The following ALK variants were observed in gnomAD, a reference collection of about 807,000 sequenced individuals.
The protein encoded by ALK is ALK receptor tyrosine kinase.
A neutral mutation model predicts 163.1 loss-of-function variants in ALK; 74 were observed. That is an observed-to-expected ratio of 0.45 (90% CI 0.38 to 0.55). The LOEUF (loss-of-function observed/expected upper bound fraction) is 0.55. Ranked by LOEUF, ALK falls within the 20% of genes least tolerant of loss-of-function variation. The pLI is 0.00. For synonymous variants in ALK, 960 were observed against 843.2 expected (o/e 1.14, Z -2.40); for missense variants, 2,063 against 2,105.3 (o/e 0.98, Z 0.39).
Position 29,318,398 on chromosome 2 carries a change from G to A in ALK, c.1553C>T (p.Ala518Val), listed in dbSNP as rs1666897757. 1 of 1,610,760 alleles carries A rather than the reference G, an allele frequency of 6.2e-7. No individual in the cohort carries two copies. The highest frequency in any genetic ancestry group is 1.3e-5 in the African/African-American group (1 of 74,980). ...DARFQDHQDHALLLSTTDVPA... is the reference protein window; with the variant it reads ...DARFQDHQDHVLLLSTTDVPA... ...GACATCAGTGGTACTGAGCAATAGA[G>A]CATGGTCTAGGAGAGAGGAAAAGAA... The change falls in exon 8 of 29, where the codon GCT becomes GTT. Residue 518 changes from alanine to valine, a missense_variant. Ala to Val is a moderately conservative substitution (Grantham distance 64). Transcript: ENST00000389048.
chr2:29,892,743 G>A (rs1452114135), intron 1 of ALK, among the ~76,000 whole-genome samples: 1 of 152,128 alleles, frequency 6.6e-6, no homozygotes, highest in Non-Finnish European at 1.5e-5. Flanking sequence ...CTGACTCTAC[G>A]CACATTAATG....
At chr2:29,630,552 A>T (rs1676338043) in intron 3 of ALK, among the ~76,000 whole-genome samples, 1 of 152,244 alleles carries the variant, frequency 6.6e-6, no homozygotes, top group South Asian at 2.1e-4. Flanking sequence ...AAGGTTGGCA[A>T]TTATTAAGTA....
At chr2:29,735,452 A>G (rs1226905042) in intron 1 of ALK, among the ~76,000 whole-genome samples, 1 of 152,092 alleles carries the variant, frequency 6.6e-6, no homozygotes, top group East Asian at 1.9e-4. Flanking sequence ...GATTTAGAAA[A>G]TAATAGTAAT....
chr2:29,461,161 C>T (rs1303817017), intron 4 of ALK, among the ~76,000 whole-genome samples: 1 of 152,154 alleles, frequency 6.6e-6, no homozygotes, highest in Non-Finnish European at 1.5e-5. Context: ...GAGGAAGCTG[C>T]AGAAGAAAAG....
At chr2:29,637,671 C>T (rs1165665013) in intron 3 of ALK, among the ~76,000 whole-genome samples, 1 of 139,762 alleles carries the variant, frequency 7.2e-6, no homozygotes, top group Non-Finnish European at 1.5e-5. Flanking sequence ...ATTGCACCGC[C>T]GCACTCCAGC....
At chr2:29,447,732 G>T (rs1325826187) in intron 4 of ALK, among the ~76,000 whole-genome samples, 1 of 152,166 alleles carries the variant, frequency 6.6e-6, no homozygotes, top group Non-Finnish European at 1.5e-5. Context: ...AATGGCACAG[G>T]CCCTCCAGGT....
At chr2:29,321,676 A>C (rs1042943298) in intron 6 of ALK, among the ~76,000 whole-genome samples, 3 of 152,190 alleles carry the variant, frequency 2.0e-5, no homozygotes, top group Non-Finnish European at 4.4e-5. Flanking sequence ...TGGGTCCCTG[A>C]GTGATCCTGT....
At chr2:29,556,303 C>G (rs763996146) in intron 3 of ALK, among the ~76,000 whole-genome samples, 1 of 152,168 alleles carries the variant, frequency 6.6e-6, no homozygotes, top group Non-Finnish European at 1.5e-5. Context: ...TGACAGGACT[C>G]TCTTGTAGAA....
intron 8 of ALK, among the ~76,000 whole-genome samples, chr2:29,309,908 G>T (rs1666652167): frequency 6.6e-6 from 1 of 152,172 alleles, no homozygotes; most frequent in African/African-American, 2.4e-5. Flanking sequence ...CTGAATTTAT[G>T]CAGCAGCAAC....
chr2:29,276,700 G>A (rs777399954), intron 9 of ALK, among the ~76,000 whole-genome samples: 3 of 152,160 alleles, frequency 2.0e-5, no homozygotes, highest in Non-Finnish European at 4.4e-5. Flanking sequence ...CCTCAAAGAC[G>A]TGATGCTAAG....
chr2:29,483,536 C>T (rs189060152), intron 4 of ALK, among the ~76,000 whole-genome samples: 51 of 152,284 alleles, frequency 3.3e-4, no homozygotes, highest in Admixed American at 2.2e-3. Context: ...ATGTGCACAT[C>T]CAAGTTTGAA....
chr2:29,310,743 G>C (rs1278627670), intron 8 of ALK, among the ~76,000 whole-genome samples: 1 of 152,136 alleles, frequency 6.6e-6, no homozygotes, highest in Admixed American at 6.5e-5. Context: ...CCTCTTGCTC[G>C]GGGTCCGTGT....
chr2:29,412,492 T>C (rs1279625121), intron 4 of ALK, among the ~76,000 whole-genome samples: 2 of 152,330 alleles, frequency 1.3e-5, no homozygotes, highest in East Asian at 1.9e-4. Context: ...AACCTGACAT[T>C]GACTTAGTCA....
At chr2:29,387,131 T>A (rs1669050407) in intron 4 of ALK, among the ~76,000 whole-genome samples, 1 of 152,136 alleles carries the variant, frequency 6.6e-6, no homozygotes, top group Non-Finnish European at 1.5e-5. Context: ...GTGTGGGGTG[T>A]CCATCTGGAC....
intron 4 of ALK, among the ~76,000 whole-genome samples, chr2:29,391,305 T>TGGGG (rs71754470): frequency 6.3e-5 from 8 of 126,582 alleles, no homozygotes; most frequent in East Asian, 2.4e-4. Context: ...CTCTTTTTTT[T>TGGGG]GGGGGGGGGG....
chr2:29,629,934 C>T (rs979309003), intron 3 of ALK, among the ~76,000 whole-genome samples: 2 of 152,174 alleles, frequency 1.3e-5, no homozygotes, highest in Non-Finnish European at 2.9e-5. Context: ...AAATGATGAA[C>T]ATATTCTTGA....
intron 3 of ALK, among the ~76,000 whole-genome samples, chr2:29,574,821 A>C (rs983682889): frequency 1.3e-5 from 2 of 152,206 alleles, no homozygotes; most frequent in Admixed American, 1.3e-4. Flanking sequence ...TCTGCTCTGG[A>C]AAATGGGACG....
At chr2:29,472,705 C>G (rs955386304) in intron 4 of ALK, among the ~76,000 whole-genome samples, 8 of 151,856 alleles carry the variant, frequency 5.3e-5, no homozygotes, top group Non-Finnish European at 7.4e-5. Flanking sequence ...CTGTATACAA[C>G]AAAAATTACA....
intron 1 of ALK, among the ~76,000 whole-genome samples, chr2:29,768,200 G>A (rs983454006): frequency 4.6e-5 from 7 of 152,152 alleles, no homozygotes; most frequent in African/African-American, 1.4e-4. Flanking sequence ...AGTGGCAAAC[G>A]GGACAATAAA....
Sources: gnomAD v4.1 joint callset for allele counts (sites outside exome capture counted in the v4.1 genomes callset) on GRCh38, gnomAD v4.1.1 for gene constraint, MANE v1.5 for transcripts, NCBI Gene and HGNC (gene_info 2026-07-23, HGNC 2026-07-21) for gene names.